FILIP1: variants seen among roughly 807,000 people sequenced by gnomAD.
FILIP1 encodes filamin A interacting protein 1, also known as filamin-A-interacting protein 1.
In FILIP1, 61 loss-of-function variants were observed where a neutral mutation model predicts 102.1. That is an observed-to-expected ratio of 0.60 (90% CI 0.49 to 0.74). The LOEUF (loss-of-function observed/expected upper bound fraction) is 0.74, where lower values mean the gene tolerates loss of function less well. Among genes scored for constraint, FILIP1 ranks in the 30% least tolerant of loss-of-function variants. The probability of loss-of-function intolerance (pLI) is 0.00; values close to 1 mark genes in which losing one functional copy is unlikely to be tolerated. For synonymous variants in FILIP1, 491 were observed against 526.9 expected, an observed-to-expected ratio of 0.93 and a Z score of 0.93; for missense variants, 1,314 against 1,441.2, an observed-to-expected ratio of 0.91 and a Z score of 1.43.
rs762836637 is a variant in FILIP1 at position 75,315,006 on chromosome 6, T to G, written c.826A>C (p.Arg276=). 9 of 1,613,962 alleles carry G rather than the reference T, an allele frequency of 5.6e-6. No individual in the cohort carries two copies. The South Asian group carries it at 7.7e-5, about 14-fold the overall frequency. ...GCTTTGAGCTTCTCTTCTTCTTCCC[T>G]CAGCTTCTGAGTAAGATCCTGTACT... ...QKVQDLTQKL[R]EEEEKLKAIT... is the part of the protein sequence containing the mutation. Residue 276 remains arginine, a synonymous_variant, in exon 5 of 6, where the codon AGG becomes CGG. Transcript: ENST00000237172.
intron 1 of FILIP1, among the ~76,000 whole-genome samples, chr6:75,442,561 G>A (rs951772178): frequency 6.6e-6 from 1 of 152,088 alleles, no homozygotes; most frequent in African/African-American, 2.4e-5. Context: ...AGACCAGCCC[G>A]GCCAACACAG....
rs1202468508 is a variant in FILIP1, at chr6:75,362,757, T to C, written c.437A>G (p.Lys146Arg). 1 of 1,613,318 alleles carries C rather than the reference T, an allele frequency of 6.2e-7. No individual in the cohort carries two copies. The highest frequency in any genetic ancestry group is 8.5e-7 in the Non-Finnish European group (1 of 1,179,850). ...EKSIGEDVYE[K>R]PISELDRLEE... ...TCATATTTTTACCTCTGAAATCGGT[T>C]TCTCATAGACATCTTCTCCTATGGA... is the stretch of plus-strand genomic sequence containing the variant. The change falls in exon 3 of 6, where the codon AAA (lysine) becomes AGA (arginine). Residue 146 changes from lysine (K) to arginine (R), a missense_variant. By Grantham distance (26) the Lys-to-Arg change is conservative. This residue lies in a region of FILIP1 where 494 missense variants were observed against 511.2 expected (regional missense o/e 0.97). Coordinates refer to ENST00000237172, the MANE Select transcript of FILIP1 (RefSeq NM_015687.5).
chr6:75,331,944 T>C (rs1774099751), intron 4 of FILIP1, among the ~76,000 whole-genome samples: 1 of 152,222 alleles, frequency 6.6e-6, no homozygotes, highest in Non-Finnish European at 1.5e-5. Flanking sequence ...TTACTACCTT[T>C]AGAAAAGGGA....
rs182592602 is a variant in FILIP1, at chr6:75,488,051, T to C, written c.-7+5363A>G. ...AGCTTTAAAAATTCTTTTTAGTTTG[T>C]ATTTCACAGGCCTCAGAAACACATA... On this transcript the variant is annotated intron_variant, in intron 1 of 5. Transcript: ENST00000237172. 1.3e-3 allele frequency among the ~76,000 whole-genome samples: 197 copies of C among 152,280 alleles called. 1 individual carries two copies. The highest frequency in any genetic ancestry group is 4.3e-3 in the African/African-American group (179 of 41,590).
At chr6:75,442,724 G>C (rs549797960) in intron 1 of FILIP1, among the ~76,000 whole-genome samples, 65 of 152,270 alleles carry the variant, frequency 4.3e-4, no homozygotes, top group African/African-American at 1.5e-3. Context: ...GCCTTGGCTC[G>C]GCATCAGAGG....
chr6:75,466,489 G>A (rs780083413), intron 1 of FILIP1, among the ~76,000 whole-genome samples: 1 of 152,186 alleles, frequency 6.6e-6, no homozygotes, highest in Non-Finnish European at 1.5e-5. Context: ...CATCAACAAC[G>A]TTATTGATTC....
chr6:75,313,151 G>A lies in FILIP1; in HGVS notation c.2681C>T (p.Pro894Leu). Residue 894 changes from proline to leucine, a missense_variant, in exon 5 of 6, where the codon CCA becomes CTA. This residue lies in a region of FILIP1 where 816 missense variants were observed against 913.1 expected (regional missense o/e 0.89). Coordinates refer to ENST00000237172, the MANE Select transcript of FILIP1 (RefSeq NM_015687.5). This position sits in a 1 kb window ranked among gnomAD's most constrained non-coding sequence, Gnocchi z 4.2. ...QEKGPRTNSSPGHPGEVVLSP... is the reference protein window; with the variant it reads ...QEKGPRTNSSLGHPGEVVLSP... The stretch of plus-strand genomic sequence containing the variant: ...AAGGACTACCTCTCCTGGGTGCCCT[G>A]GACTGGAATTTGTTCGGGGCCCTTT... The A allele has an allele frequency of 6.2e-7, 1 of 1,614,174 alleles. No individual in the cohort carries two copies. The highest frequency in any genetic ancestry group is 8.5e-7 in the Non-Finnish European group (1 of 1,180,034).
At chr6:75,424,291 T>G (rs1456722733) in intron 1 of FILIP1, among the ~76,000 whole-genome samples, 1 of 152,130 alleles carries the variant, frequency 6.6e-6, no homozygotes, top group South Asian at 2.1e-4. Context: ...GGGCATAGCA[T>G]CCCCCAAGAA....
chr6:75,351,593 T>C (rs1774809381), intron 4 of FILIP1, among the ~76,000 whole-genome samples: 1 of 152,200 alleles, frequency 6.6e-6, no homozygotes, highest in Non-Finnish European at 1.5e-5. Context: ...ATACTTATGA[T>C]TGTGTTATAG....
intron 2 of FILIP1, among the ~76,000 whole-genome samples, chr6:75,365,865 A>G (rs935449696): frequency 6.6e-6 from 1 of 152,240 alleles, no homozygotes; most frequent in Non-Finnish European, 1.5e-5. Context: ...ATAATTTCAT[A>G]GAAAGTTCTG....
At chr6:75,292,756 A>G (rs1490986508) in exon 7 of FILIP1, 2 of 152,164 alleles carry the variant, frequency 1.3e-5, no homozygotes, top group Non-Finnish European at 2.9e-5. Flanking sequence ...GTTGCTCATC[A>G]GATTCATTAA....
intron 4 of FILIP1, among the ~76,000 whole-genome samples, chr6:75,326,440 C>G (rs914453907): frequency 6.6e-6 from 1 of 152,028 alleles, no homozygotes; most frequent in South Asian, 2.1e-4. Context: ...CAGAAATCAC[C>G]ACTAAATAGC....
intron 3 of FILIP1, chr6:75,358,192 T>C (rs1374792103): frequency 6.6e-6 from 1 of 152,178 alleles, no homozygotes; most frequent in Non-Finnish European, 1.5e-5. Flanking sequence ...TAAAAAGGCA[T>C]GATTCAGGAA....
At chr6:75,336,685 T>C (rs532440698) in intron 4 of FILIP1, among the ~76,000 whole-genome samples, 116 of 152,266 alleles carry the variant, frequency 7.6e-4, no homozygotes, top group African/African-American at 2.7e-3. Flanking sequence ...GGGGAAATGT[T>C]TTATTACCTT....
At chr6:75,339,716 G>A (rs989897279) in intron 4 of FILIP1, among the ~76,000 whole-genome samples, 3 of 152,344 alleles carry the variant, frequency 2.0e-5, no homozygotes, top group Non-Finnish European at 4.4e-5. Context: ...GGGAGGCCAA[G>A]GCAGGGGGAT....
Position 75,318,568 on chromosome 6 carries a change from A to AT in FILIP1, c.630-3367dup, listed in dbSNP as rs968304279. ...CTTTTATAACACTTAATCAACATAT[A>AT]TTTTTTTCTAATAAAAAAGTTATAT... On this transcript the variant is annotated intron_variant, in intron 4 of 5. Transcript: ENST00000237172. 2.6e-5 allele frequency among the ~76,000 whole-genome samples: 4 copies of AT among 151,868 alleles called. No individual in the cohort carries two copies. The South Asian group carries it at 6.2e-4, about 24-fold the overall frequency.
At chr6:75,396,863 A>G (rs1308257600) in intron 2 of FILIP1, among the ~76,000 whole-genome samples, 1 of 151,946 alleles carries the variant, frequency 6.6e-6, no homozygotes, top group African/African-American at 2.4e-5. Context: ...TTGCTCAGGT[A>G]TTTTGTAGTC....
intron 1 of FILIP1, among the ~76,000 whole-genome samples, chr6:75,422,451 C>T (rs1173762638): frequency 2.0e-5 from 3 of 152,006 alleles, no homozygotes; most frequent in Non-Finnish European, 2.9e-5. Context: ...ATTAAAGTTT[C>T]GAAATGTCTG....
chr6:75,319,212 C>A (rs1229616402), intron 4 of FILIP1: 4 of 750,672 alleles, frequency 5.3e-6, no homozygotes, highest in African/African-American at 5.2e-5. Flanking sequence ...GTTTTTCCTT[C>A]AGCTTCGCAG....
Sources: allele counts gnomAD v4.1 joint callset (sites outside exome capture counted in the v4.1 genomes callset), GRCh38; gene constraint gnomAD v4.1.1; regional missense constraint gnomAD v4.1.1; non-coding constraint Gnocchi (gnomAD v3.1); transcripts MANE v1.5; gene names NCBI Gene and HGNC (gene_info 2026-07-23, HGNC 2026-07-21).